ARHGAP6: variants seen among roughly 807,000 people sequenced by gnomAD.
ARHGAP6 encodes Rho GTPase activating protein 6, also known as rho GTPase-activating protein 6.
In ARHGAP6, 16 loss-of-function variants were observed where a neutral mutation model predicts 55.7. The ratio of observed to expected loss-of-function variants is 0.29; its 90% CI spans 0.19 to 0.44. The LOEUF is 0.44. ARHGAP6 is among the 20% of genes least tolerant of loss of function. The probability of loss-of-function intolerance (pLI) is 1.00; values close to 1 mark genes in which losing one functional copy is unlikely to be tolerated. For synonymous variants in ARHGAP6, 382 were observed against 360.9 expected (o/e 1.06, Z -0.66); for missense variants, 698 against 808.9 (o/e 0.86, Z 1.66).
chrX:11,476,945 C>T (rs994588931), intron 1 of ARHGAP6, among the ~76,000 whole-genome samples: 1 of 110,598 alleles, frequency 9.0e-6, no homozygotes, highest in African/African-American at 3.3e-5. Context: ...AAAAACCCAA[C>T]AAGAACAGAT....
intron 1 of ARHGAP6, among the ~76,000 whole-genome samples, chrX:11,259,767 TG>T (rs1340565639): frequency 9.0e-6 from 1 of 111,573 alleles, no homozygotes; most frequent in Non-Finnish European, 1.9e-5. Context: ...ATATTCTGGC[TG>T]GTTGTTGCAA....
chrX:11,637,392 C>T (rs1202446454), intron 1 of ARHGAP6, among the ~76,000 whole-genome samples: 1 of 111,752 alleles, frequency 8.9e-6, no homozygotes, highest in Non-Finnish European at 1.9e-5. Flanking sequence ...ACCATTTTCC[C>T]AGCCACTGCT....
intron 1 of ARHGAP6, among the ~76,000 whole-genome samples, chrX:11,503,123 T>C (rs368825858): frequency 3.6e-5 from 4 of 111,018 alleles, no homozygotes; most frequent in African/African-American, 1.3e-4. Flanking sequence ...GTTGAACGCC[T>C]GACCTCAAGC....
At chrX:11,144,856 T>C (rs2045668005) in intron 10 of ARHGAP6, among the ~76,000 whole-genome samples, 1 of 112,162 alleles carries the variant, frequency 8.9e-6, no homozygotes, top group Admixed American at 9.4e-5. Context: ...ACAATAAATA[T>C]ATGACCCTCA....
intron 1 of ARHGAP6, among the ~76,000 whole-genome samples, chrX:11,542,169 T>A (rs2147074212): frequency 9.0e-6 from 1 of 110,754 alleles, no homozygotes; most frequent in East Asian, 2.8e-4. Context: ...GGAAGACAAT[T>A]AAATCTTAAG....
intron 2 of ARHGAP6, chrX:11,223,265 A>C (rs2046997038): frequency 1.4e-5 from 2 of 147,364 alleles, no homozygotes. Context: ...CAATACAACT[A>C]AAAATGCATG....
At chrX:11,619,573 T>A (rs2052204334) in intron 1 of ARHGAP6, among the ~76,000 whole-genome samples, 1 of 112,312 alleles carries the variant, frequency 8.9e-6, no homozygotes, top group African/African-American at 3.2e-5. Context: ...TTTGATTTCT[T>A]CACTTGGCAT....
chrX:11,517,931 C>T (rs1170573562), intron 1 of ARHGAP6, among the ~76,000 whole-genome samples: 3 of 108,095 alleles, frequency 2.8e-5, no homozygotes, highest in Non-Finnish European at 5.7e-5. Context: ...ACACGTTTAC[C>T]TATGTAACAA....
rs1488646161 is a variant in ARHGAP6 at position 11,169,529 on chromosome X, A to C, written c.1785T>G (p.Ile595Met). 8.4e-7 allele frequency: 1 copy of C among 1,197,603 alleles called. No homozygotes were observed. The highest frequency in any genetic ancestry group is 1.8e-5 in the African/African-American group (1 of 56,496). Residue 595 changes from isoleucine (I) to methionine (M), a missense_variant, in exon 9 of 13, where the codon ATT becomes ATG. By Grantham distance (10) the Ile-to-Met change is conservative (BLOSUM62 1). Transcript: ENST00000337414. ...CCATGAACAGGGCTTCATAATTTTC[A>C]ATCATCTTTTGCACAACAGCGATGA... is the stretch of plus-strand genomic sequence containing the variant. The part of the protein sequence containing the change: ...TAIIAVVQKM[I>M]ENYEALFMVP...
At chrX:11,262,609 G>A (rs1199951589) in intron 1 of ARHGAP6, among the ~76,000 whole-genome samples, 1 of 111,588 alleles carries the variant, frequency 9.0e-6, no homozygotes, top group Non-Finnish European at 1.9e-5. Context: ...TGGACCCAAG[G>A]CATCGGAATC....
At chrX:11,634,847 T>C (rs776588867) in intron 1 of ARHGAP6, among the ~76,000 whole-genome samples, 81 of 112,205 alleles carry the variant, frequency 7.2e-4, no homozygotes, top group Non-Finnish European at 1.3e-3. Context: ...GGGTCAAGAA[T>C]CCAGGCACAG....
intron 1 of ARHGAP6, among the ~76,000 whole-genome samples, chrX:11,369,826 G>A (rs1296510189): frequency 8.9e-6 from 1 of 111,921 alleles, no homozygotes; most frequent in Non-Finnish European, 1.9e-5. Context: ...GAAGTTACTT[G>A]TTTAGATAAA....
At chrX:11,433,747 C>T (rs1233928258) in intron 1 of ARHGAP6, among the ~76,000 whole-genome samples, 1 of 112,217 alleles carries the variant, frequency 8.9e-6, no homozygotes, top group Non-Finnish European at 1.9e-5. Flanking sequence ...CATTAAGCAC[C>T]TACATCACAG....
intron 1 of ARHGAP6, among the ~76,000 whole-genome samples, chrX:11,617,315 C>T (rs1336083528): frequency 8.9e-6 from 1 of 112,014 alleles, no homozygotes; most frequent in African/African-American, 3.2e-5. Context: ...TTGTAGCTTA[C>T]ATTATATTTC....
At chrX:11,564,780 A>G (rs1404742669) in intron 1 of ARHGAP6, among the ~76,000 whole-genome samples, 1 of 111,765 alleles carries the variant, frequency 8.9e-6, no homozygotes, top group Admixed American at 9.6e-5. Context: ...AGCAAATGTT[A>G]TGAATCACAT....
rs1282359689 is a variant in ARHGAP6 at position 11,174,553 on chromosome X, C to T, written c.1629+3547G>A. On this transcript the variant is annotated intron_variant, in intron 8 of 12. Transcript: ENST00000337414. ...TCCTTCCTTCCTTCCTTCCTTCCTTCCTTCCTTCCTTCCTTCCTTCCTTTC... is the reference window on the plus strand; with the variant it reads ...TCCTTCCTTCCTTCCTTCCTTCCTTTCTTCCTTCCTTCCTTCCTTCCTTTC... Among the ~76,000 whole-genome samples the T allele has an allele frequency of 7.5e-4, 61 of 81,608 alleles. 3 individuals carry two copies. In the South Asian group the frequency reaches 0.027, roughly 36 times the overall value. 70.9% of individuals were successfully genotyped at this position (81,608 alleles called of 115,157 possible).
chrX:11,610,129 T>TAAACAAAA (rs2052085527), intron 1 of ARHGAP6, among the ~76,000 whole-genome samples: 1 of 88,784 alleles, frequency 1.1e-5, no homozygotes. Flanking sequence ...CTTCCTCCAG[T>TAAACAAAA]AAAAAAAAAA....
intron 1 of ARHGAP6, among the ~76,000 whole-genome samples, chrX:11,333,976 G>A (rs1045538955): frequency 1.8e-5 from 2 of 111,741 alleles, no homozygotes; most frequent in African/African-American, 6.5e-5. Flanking sequence ...GGAAAAGTTG[G>A]AGATAAAAAG....
intron 1 of ARHGAP6, among the ~76,000 whole-genome samples, chrX:11,622,992 T>A (rs1420966677): frequency 1.8e-5 from 2 of 111,790 alleles, no homozygotes; most frequent in Non-Finnish European, 3.8e-5. Flanking sequence ...TTGCAAAAGA[T>A]GAGATCTGGA....
Sources: allele counts gnomAD v4.1 joint callset (sites outside exome capture counted in the v4.1 genomes callset), GRCh38; gene constraint gnomAD v4.1.1; transcripts MANE v1.5; gene names NCBI Gene and HGNC (gene_info 2026-07-23, HGNC 2026-07-21).